The following TXNRD1 variants were observed in gnomAD, a reference collection of about 807,000 sequenced individuals.
The protein encoded by TXNRD1 is thioredoxin reductase 1.
TXNRD1 carries 57 observed loss-of-function variants against 80.3 expected under a neutral mutation model. The ratio of observed to expected loss-of-function variants is 0.71; its 90% CI spans 0.57 to 0.89. The LOEUF (loss-of-function observed/expected upper bound fraction) is 0.89. TXNRD1 is among the 40% of genes least tolerant of loss of function. The pLI is 0.00. For missense variants in TXNRD1, 730 were observed against 803.0 expected (o/e 0.91, Z 1.10); for synonymous variants, 291 against 285.2 (o/e 1.02, Z -0.20).
chr12:104,217,413 C>T (rs538916017), intron 1 of TXNRD1, among the ~76,000 whole-genome samples: 2 of 151,562 alleles, frequency 1.3e-5, no homozygotes, highest in East Asian at 1.9e-4. Flanking sequence ...CAGGTTGAAG[C>T]GATTCTCCTG....
intron 8 of TXNRD1, 81 bp downstream of exon 8, chr12:104,319,136 T>C: frequency 2.0e-6 from 3 of 1,480,860 alleles, no homozygotes; most frequent in Non-Finnish European, 2.7e-6. Flanking sequence ...TGTTAAAGTA[T>C]TATAATAAAA....
At chr12:104,321,365 G>A (rs1406839660) in intron 10 of TXNRD1, 49 bp downstream of exon 10, 9 of 1,486,528 alleles carry the variant, frequency 6.1e-6, no homozygotes, top group African/African-American at 4.2e-5. Flanking sequence ...CACAGTAAAA[G>A]GCAAAAAGAG....
chr12:104,303,343 T>C (rs1400685974), intron 4 of TXNRD1, among the ~76,000 whole-genome samples: 1 of 152,204 alleles, frequency 6.6e-6, no homozygotes, highest in African/African-American at 2.4e-5. Context: ...AGTTTCTGCT[T>C]TTCACGGTCC....
At chr12:104,226,689 G>T (rs987991507) in intron 1 of TXNRD1, among the ~76,000 whole-genome samples, 2 of 152,222 alleles carry the variant, frequency 1.3e-5, no homozygotes, top group African/African-American at 2.4e-5. Flanking sequence ...GCAAAATGAA[G>T]TGAATGGATG....
chr12:104,315,906 G>A lies in TXNRD1; in HGVS notation c.730+10G>A. 1.2e-6 allele frequency: 2 copies of A among 1,605,340 alleles called. No homozygotes were observed. The highest frequency in any genetic ancestry group is 4.5e-5 in the East Asian group (2 of 44,470). On this transcript the variant is annotated intron_variant, in intron 7 of 16. Coordinates refer to ENST00000525566, the MANE Select transcript of TXNRD1 (RefSeq NM_001093771.3). ...AAAGTCGAGGAGACAGGTATGAGAG[G>A]GAAAAGCTACTCTTCTGTTTGTGCT...
At chr12:104,314,581 T>G (rs964696641) in intron 6 of TXNRD1, among the ~76,000 whole-genome samples, 12 of 152,092 alleles carry the variant, frequency 7.9e-5, no homozygotes, top group Admixed American at 5.9e-4. Context: ...TGCCTGTGTT[T>G]TGTTCTAATG....
intron 3 of TXNRD1, among the ~76,000 whole-genome samples, chr12:104,269,629 G>A (rs4964753): frequency 0.23 from 34,672 of 151,492 alleles, 4,248 homozygotes; most frequent in Middle Eastern, 0.38. Flanking sequence ...GTGCAGTGGC[G>A]CGATCTCGGC....
At chr12:104,309,737 C>T in intron 4 of TXNRD1, 1 of 1,496,054 alleles carries the variant, frequency 6.7e-7, no homozygotes, top group Non-Finnish European at 8.9e-7. Context: ...GCTATTATTA[C>T]CAAATTGTTT....
chr12:104,308,921 G>T, intron 4 of TXNRD1, among the ~76,000 whole-genome samples: 1 of 134,610 alleles, frequency 7.4e-6, no homozygotes, highest in Non-Finnish European at 1.6e-5. Flanking sequence ...TTTTTGAGAC[G>T]GAGTCTTGCT....
Position 104,314,990 on chromosome 12 carries a change from G to A in TXNRD1, c.611-787G>A, listed in dbSNP as rs190155677. Among the ~76,000 whole-genome samples the A allele has an allele frequency of 4.3e-4, 65 of 152,092 alleles. 1 individual carries two copies. Among genetic ancestry groups the A allele is most frequent in the African/African-American group, 1.3e-3 (52 of 41,476 alleles). On this transcript the variant is annotated intron_variant, in intron 6 of 16. Coordinates refer to ENST00000525566, the MANE Select transcript of TXNRD1 (RefSeq NM_001093771.3). ...ACTCCTGACCTCAAATGATCCACCC[G>A]CCTCGGCCTCCCAAAGTGCTGGGAT...
At chr12:104,245,001 C>G (rs541840591) in intron 1 of TXNRD1, among the ~76,000 whole-genome samples, 1 of 152,218 alleles carries the variant, frequency 6.6e-6, no homozygotes, top group East Asian at 1.9e-4. Flanking sequence ...CTGTTTTGTT[C>G]CACTGGGTTT....
At chr12:104,247,294 G>C (rs961638820) in intron 1 of TXNRD1, among the ~76,000 whole-genome samples, 4 of 151,668 alleles carry the variant, frequency 2.6e-5, no homozygotes. Context: ...TCTCAAACTC[G>C]TGACCTCAGG....
chr12:104,292,093 G>A (rs1403689726), intron 4 of TXNRD1, among the ~76,000 whole-genome samples: 1 of 152,008 alleles, frequency 6.6e-6, no homozygotes, highest in Non-Finnish European at 1.5e-5. Flanking sequence ...TTTTAATATT[G>A]TTTCTTCCTC....
chr12:104,347,744 C>CTA (rs1467144249), intron 16 of TXNRD1, among the ~76,000 whole-genome samples: 1 of 152,112 alleles, frequency 6.6e-6, no homozygotes, highest in African/African-American at 2.4e-5. Flanking sequence ...ACCATATATA[C>CTA]TACACTGTAT....
rs556685546 is a variant in TXNRD1, at chr12:104,262,028, G to A, written c.304+3949G>A. On this transcript the variant is annotated intron_variant, in intron 3 of 16. Coordinates refer to ENST00000525566, the MANE Select transcript of TXNRD1 (RefSeq NM_001093771.3). The stretch of plus-strand genomic sequence containing the variant: ...CTCACAAACTTTTGGGATTACAGGC[G>A]CGAGACCAGCTTGGCCAACATGGCA... 3.3e-5 allele frequency among the ~76,000 whole-genome samples: 5 copies of A among 150,418 alleles called. 1 individual carries two copies. In the South Asian group the frequency reaches 8.3e-4, roughly 25 times the overall value.
intron 1 of TXNRD1, among the ~76,000 whole-genome samples, chr12:104,251,325 A>C (rs899175405): frequency 2.0e-5 from 3 of 152,176 alleles, no homozygotes; most frequent in Admixed American, 6.6e-5. Context: ...CTGAGTTAGG[A>C]ATATTGAATA....
chr12:104,227,738 A>G (rs991479163), intron 1 of TXNRD1, among the ~76,000 whole-genome samples: 3 of 152,202 alleles, frequency 2.0e-5, no homozygotes, highest in African/African-American at 4.8e-5. Flanking sequence ...TTCTCCATCA[A>G]TATAGTTTTG....
intron 16 of TXNRD1, among the ~76,000 whole-genome samples, chr12:104,343,187 A>G (rs1322814488): frequency 6.6e-6 from 1 of 152,172 alleles, no homozygotes; most frequent in African/African-American, 2.4e-5. Context: ...ATGCGGTAGT[A>G]TATCTATTTG....
At chr12:104,222,268 A>G (rs1355033282) in intron 1 of TXNRD1, among the ~76,000 whole-genome samples, 1 of 152,200 alleles carries the variant, frequency 6.6e-6, no homozygotes, top group African/African-American at 2.4e-5. Context: ...TGGGACAGAA[A>G]ACAGTTTTTC....
Sources: gnomAD v4.1 joint callset for allele counts (sites outside exome capture counted in the v4.1 genomes callset) on GRCh38, gnomAD v4.1.1 for gene constraint, MANE v1.5 for transcripts, NCBI Gene and HGNC (gene_info 2026-07-23, HGNC 2026-07-21) for gene names.